THADA: variants seen among roughly 807,000 people sequenced by gnomAD.
THADA encodes the protein tRNA (32-2'-O)-methyltransferase regulator THADA.
Under a neutral mutation model 219.8 loss-of-function variants are expected in THADA, and 213 were observed. That is an observed-to-expected ratio of 0.97 (90% confidence interval 0.87 to 1.09). The LOEUF (loss-of-function observed/expected upper bound fraction) is 1.09. Among genes scored for constraint, THADA ranks in the 50% least tolerant of loss-of-function variants. The pLI, the probability that THADA is intolerant of heterozygous loss-of-function variation, is 0.00. For synonymous variants in THADA, 1,018 were observed against 828.9 expected (o/e 1.23, Z -3.92); for missense variants, 2,956 against 2,311.3 (o/e 1.28, Z -5.72).
At chr2:43,513,362 T>A (rs1245075893) in intron 22 of THADA, among the ~76,000 whole-genome samples, 1 of 152,128 alleles carries the variant, frequency 6.6e-6, no homozygotes, top group Non-Finnish European at 1.5e-5. Flanking sequence ...AAAAGCAAGA[T>A]AATCATCTGG....
At chr2:43,445,917 T>C (rs1558772916) in intron 26 of THADA, among the ~76,000 whole-genome samples, 1 of 152,178 alleles carries the variant, frequency 6.6e-6, no homozygotes, top group Non-Finnish European at 1.5e-5. Context: ...CTAAACTGCC[T>C]ATTACAATAC....
chr2:43,533,543 G>T (rs1694163871), intron 21 of THADA, among the ~76,000 whole-genome samples: 1 of 152,128 alleles, frequency 6.6e-6, no homozygotes, highest in South Asian at 2.1e-4. Flanking sequence ...TATACACCAT[G>T]GAATACCATA....
At chr2:43,521,225 C>T (rs917127559) in intron 22 of THADA, among the ~76,000 whole-genome samples, 4 of 147,048 alleles carry the variant, frequency 2.7e-5, no homozygotes, top group Non-Finnish European at 4.5e-5. Flanking sequence ...GGAGGGCAGG[C>T]AGACAAGAAG....
chr2:43,262,415 G>A (rs536810516), intron 36 of THADA, among the ~76,000 whole-genome samples: 2 of 150,940 alleles, frequency 1.3e-5, no homozygotes, highest in African/African-American at 4.9e-5. Flanking sequence ...TGCCAGGAGA[G>A]TGAAGCAGAA....
At chr2:43,450,616 G>T (rs557400064) in intron 26 of THADA, among the ~76,000 whole-genome samples, 1 of 151,692 alleles carries the variant, frequency 6.6e-6, no homozygotes, top group East Asian at 1.9e-4. Flanking sequence ...AATTACACAA[G>T]TAAGTCTCTC....
chr2:43,373,805 T>C (rs550289028), intron 29 of THADA, among the ~76,000 whole-genome samples: 1 of 152,172 alleles, frequency 6.6e-6, no homozygotes, highest in African/African-American at 2.4e-5. Flanking sequence ...AAACTCTCTA[T>C]TGGAATACAC....
intron 26 of THADA, among the ~76,000 whole-genome samples, chr2:43,454,724 G>C (rs936066087): frequency 5.3e-5 from 8 of 152,058 alleles, no homozygotes; most frequent in Non-Finnish European, 1.2e-4. Flanking sequence ...GTCCTGGAAA[G>C]AAAGAGAAAG....
At chr2:43,352,716 T>C (rs1668426997) in intron 29 of THADA, among the ~76,000 whole-genome samples, 1 of 152,052 alleles carries the variant, frequency 6.6e-6, no homozygotes, top group Non-Finnish European at 1.5e-5. Context: ...AGGGTTACTA[T>C]AGTGAAACAA....
intron 26 of THADA, among the ~76,000 whole-genome samples, chr2:43,457,109 T>C (rs1683096090): frequency 7.1e-6 from 1 of 140,688 alleles, no homozygotes; most frequent in Non-Finnish European, 1.5e-5. Context: ...TCCACATCGG[T>C]AGAAAAAACG....
At chr2:43,396,218 G>C (rs1674025011) in intron 29 of THADA, among the ~76,000 whole-genome samples, 1 of 152,180 alleles carries the variant, frequency 6.6e-6, no homozygotes. Context: ...GCTACCCACT[G>C]GGAGCCTTTA....
chr2:43,329,203 A>G (rs1234270972), intron 30 of THADA, among the ~76,000 whole-genome samples: 1 of 152,258 alleles, frequency 6.6e-6, no homozygotes, highest in Non-Finnish European at 1.5e-5. Flanking sequence ...GCTAGGAATT[A>G]TGGGAGAAAA....
intron 26 of THADA, among the ~76,000 whole-genome samples, chr2:43,450,555 T>C (rs1682184530): frequency 6.7e-6 from 1 of 149,286 alleles, no homozygotes; most frequent in Non-Finnish European, 1.5e-5. Flanking sequence ...CAGCAAAAAA[T>C]AAACTAAACA....
chr2:43,445,028 G>C (rs1440119210), intron 26 of THADA, among the ~76,000 whole-genome samples: 1 of 152,148 alleles, frequency 6.6e-6, no homozygotes, highest in African/African-American at 2.4e-5. Flanking sequence ...TTTTCAGTTA[G>C]TATTTCAATC....
At chr2:43,273,270 C>CAACAACAACA (rs1159956117) in intron 36 of THADA, among the ~76,000 whole-genome samples, 11 of 115,942 alleles carry the variant, frequency 9.5e-5, no homozygotes, top group African/African-American at 3.6e-4. Flanking sequence ...ACAACAACAA[C>CAACAACAACA]AAAAAAAAAA....
At chr2:43,429,891 G>A (rs374124644) in intron 27 of THADA, among the ~76,000 whole-genome samples, 25 of 152,078 alleles carry the variant, frequency 1.6e-4, no homozygotes, top group African/African-American at 5.5e-4. Context: ...CAGTCTGACC[G>A]TGCACAGTGG....
chr2:43,340,473 A>G (rs1355010377), intron 30 of THADA, among the ~76,000 whole-genome samples: 1 of 152,266 alleles, frequency 6.6e-6, no homozygotes, highest in African/African-American at 2.4e-5. Flanking sequence ...AATAGTGCCA[A>G]TCAATTTTTT....
chr2:43,374,556 G>C (rs1671162407), intron 29 of THADA, among the ~76,000 whole-genome samples: 1 of 152,068 alleles, frequency 6.6e-6, no homozygotes, highest in South Asian at 2.1e-4. Context: ...ACTATCAAAA[G>C]ATATAACCAA....
At chr2:43,352,283 C>T (rs1014387006) in intron 29 of THADA, among the ~76,000 whole-genome samples, 7 of 152,100 alleles carry the variant, frequency 4.6e-5, no homozygotes, top group African/African-American at 9.7e-5. Context: ...TAATACATGG[C>T]GCAGTGGCTC....
At chr2:43,326,767 A>G (rs374868165) in intron 30 of THADA, among the ~76,000 whole-genome samples, 4 of 152,204 alleles carry the variant, frequency 2.6e-5, no homozygotes, top group East Asian at 3.8e-4. Flanking sequence ...GTCACACTGG[A>G]CAGCTGGGGT....
Sources: gnomAD v4.1 joint callset for allele counts (sites outside exome capture counted in the v4.1 genomes callset) on GRCh38, gnomAD v4.1.1 for gene constraint, MANE v1.5 for transcripts, NCBI Gene and HGNC (gene_info 2026-07-23, HGNC 2026-07-21) for gene names.